Variants in MTHFD1L observed in about 807,000 individuals in gnomAD.
The protein encoded by MTHFD1L is methylenetetrahydrofolate dehydrogenase (NADP+ dependent) 1 like, also known as monofunctional C1-tetrahydrofolate synthase, mitochondrial.
Under a neutral mutation model 119.5 loss-of-function variants are expected in MTHFD1L, and 81 were observed. The observed-to-expected ratio is 0.68, with a 90% CI of 0.57 to 0.82. The LOEUF (loss-of-function observed/expected upper bound fraction) is 0.82, where lower values mean the gene tolerates loss of function less well. Among genes scored for constraint, MTHFD1L ranks in the 40% least tolerant of loss-of-function variants. The pLI, the probability that MTHFD1L is intolerant of heterozygous loss-of-function variation, is 0.00. For missense variants in MTHFD1L, 1,125 were observed against 1,253.4 expected, an observed-to-expected ratio of 0.90 and a Z score of 1.55; for synonymous variants, 430 against 475.2, an observed-to-expected ratio of 0.90 and a Z score of 1.24.
chr6:150,877,492 A>G, intron 2 of MTHFD1L, 142 bp from the exon 3 acceptor site: 2 of 900,578 alleles, frequency 2.2e-6, no homozygotes, highest in Non-Finnish European at 3.4e-6. Context: ...GTCCCTTTTT[A>G]TAAGCAGCAA....
intron 26 of MTHFD1L, among the ~76,000 whole-genome samples, chr6:151,068,798 A>G (rs1029950692): frequency 2.0e-5 from 3 of 152,136 alleles, no homozygotes; most frequent in African/African-American, 7.2e-5. Context: ...GAACTTTACC[A>G]TTTTTCTGAC....
intron 8 of MTHFD1L, among the ~76,000 whole-genome samples, chr6:150,916,105 T>TA (rs1751240293): frequency 6.6e-6 from 1 of 152,168 alleles, no homozygotes; most frequent in South Asian, 2.1e-4. Flanking sequence ...GGGATATGAT[T>TA]ATATGATTAC....
chr6:151,014,592 T>G (rs1172260166), intron 22 of MTHFD1L, among the ~76,000 whole-genome samples: 1 of 152,258 alleles, frequency 6.6e-6, no homozygotes, highest in Non-Finnish European at 1.5e-5. Flanking sequence ...GCCTTGTGCC[T>G]GTCAGGCCTC....
intron 7 of MTHFD1L, among the ~76,000 whole-genome samples, chr6:150,891,622 A>G (rs1318421963): frequency 1.3e-5 from 2 of 151,110 alleles, no homozygotes; most frequent in African/African-American, 4.8e-5. Flanking sequence ...GAAATAATGC[A>G]AACTACGAAC....
chr6:150,917,860 A>G (rs1029376317), intron 8 of MTHFD1L, among the ~76,000 whole-genome samples: 1 of 152,178 alleles, frequency 6.6e-6, no homozygotes, highest in African/African-American at 2.4e-5. Flanking sequence ...CATGTTTTAA[A>G]TGTTCGCTAT....
intron 20 of MTHFD1L, among the ~76,000 whole-genome samples, chr6:151,005,999 G>A (rs1374136009): frequency 1.3e-5 from 2 of 152,138 alleles, no homozygotes; most frequent in Non-Finnish European, 2.9e-5. Flanking sequence ...GTGTGGCCTT[G>A]ACATCACTGG....
At chr6:150,921,290 T>C (rs936006200) in intron 9 of MTHFD1L, among the ~76,000 whole-genome samples, 3 of 151,346 alleles carry the variant, frequency 2.0e-5, no homozygotes, top group Admixed American at 6.6e-5. Flanking sequence ...CAGCTAATTT[T>C]GTATTTTTAG....
chr6:150,877,535 G>T, intron 2 of MTHFD1L, 99 bp from the exon 3 acceptor site: 8 of 1,318,530 alleles, frequency 6.1e-6, no homozygotes, highest in Non-Finnish European at 8.6e-6. Context: ...TATTATCTTT[G>T]TAATTAGATC....
intron 24 of MTHFD1L, among the ~76,000 whole-genome samples, chr6:151,033,237 A>G (rs1268898999): frequency 6.6e-6 from 1 of 151,434 alleles, no homozygotes; most frequent in Non-Finnish European, 1.5e-5. Flanking sequence ...CTCCTGCCTC[A>G]GCCTCCTGAG....
chr6:150,892,649 C>G (rs1453193464), intron 7 of MTHFD1L, among the ~76,000 whole-genome samples: 2 of 152,214 alleles, frequency 1.3e-5, no homozygotes, highest in African/African-American at 2.4e-5. Context: ...GGCCTACCTA[C>G]CTACGTCAGG....
chr6:151,082,014 C>T (rs1000428982), intron 26 of MTHFD1L, among the ~76,000 whole-genome samples: 1 of 152,090 alleles, frequency 6.6e-6, no homozygotes, highest in Non-Finnish European at 1.5e-5. Context: ...AAAACCCAGC[C>T]CACAACATCA....
intron 20 of MTHFD1L, among the ~76,000 whole-genome samples, chr6:150,986,744 G>A (rs144465036): frequency 2.6e-4 from 39 of 152,144 alleles, no homozygotes; most frequent in East Asian, 5.8e-4. Flanking sequence ...TCACTCTGTC[G>A]CCCAGGCTGA....
chr6:150,951,524 TTTCA>T (rs1794881046), intron 16 of MTHFD1L, among the ~76,000 whole-genome samples: 1 of 152,084 alleles, frequency 6.6e-6, no homozygotes, highest in Non-Finnish European at 1.5e-5. Flanking sequence ...ATCCTACGAG[TTTCA>T]TTCATTTATA....
chr6:151,047,248 C>A (rs955612342), intron 26 of MTHFD1L, among the ~76,000 whole-genome samples: 3 of 152,170 alleles, frequency 2.0e-5, no homozygotes, highest in Non-Finnish European at 4.4e-5. Flanking sequence ...AAGAACCTAT[C>A]CACAATGTTA....
rs750907361 is a variant in MTHFD1L, at chr6:151,015,604, G to A, written c.2497G>A (p.Val833Ile). The A allele has an allele frequency of 3.7e-6, 6 of 1,614,050 alleles. No individual in the cohort carries two copies. The Admixed American group carries it at 5.0e-5, about 13-fold the overall frequency. The change falls in exon 24 of 28, where the codon GTT becomes ATT. Residue 833 changes from valine to isoleucine, a missense_variant. Transcript: ENST00000367321. ...FDAVPCYHWS[V>I]GGKGSVDLAR... ...TGCAGTCCCCTGCTATCACTGGTCC[G>A]TTGGTGGAAAAGGATCGGTGGACTT...
chr6:150,921,501 C>T (rs191977487), intron 9 of MTHFD1L, among the ~76,000 whole-genome samples: 1 of 152,174 alleles, frequency 6.6e-6, no homozygotes, highest in Non-Finnish European at 1.5e-5. Context: ...ATCTGCCCAC[C>T]TCGGCCTCCC....
chr6:150,934,093 C>T (rs189715117), intron 11 of MTHFD1L, among the ~76,000 whole-genome samples: 3 of 152,210 alleles, frequency 2.0e-5, no homozygotes, highest in Admixed American at 2.0e-4. Context: ...TTATGATTTC[C>T]ATCCATGGAG....
At chr6:150,929,576 C>G (rs906040995) in intron 11 of MTHFD1L, among the ~76,000 whole-genome samples, 1 of 152,206 alleles carries the variant, frequency 6.6e-6, no homozygotes, top group Non-Finnish European at 1.5e-5. Context: ...GTAAACAAAG[C>G]TGGGCCTCCA....
intron 26 of MTHFD1L, among the ~76,000 whole-genome samples, chr6:151,066,697 G>A (rs1219173625): frequency 6.6e-6 from 1 of 151,156 alleles, no homozygotes; most frequent in African/African-American, 2.4e-5. Flanking sequence ...CCCGGGAGGC[G>A]GAGCTTGCAG....
Sources: gnomAD v4.1 joint callset for allele counts (sites outside exome capture counted in the v4.1 genomes callset) on GRCh38, gnomAD v4.1.1 for gene constraint, MANE v1.5 for transcripts, NCBI Gene and HGNC (gene_info 2026-07-23, HGNC 2026-07-21) for gene names.